FLI1: variants seen among roughly 807,000 people sequenced by gnomAD.
FLI1 encodes the protein Friend leukemia integration 1 transcription factor.
A neutral mutation model predicts 53.1 loss-of-function variants in FLI1; 13 were observed. That is an observed-to-expected ratio of 0.24 (90% CI 0.16 to 0.39). The LOEUF (loss-of-function observed/expected upper bound fraction) is 0.39, where lower values mean the gene tolerates loss of function less well. Among genes scored for constraint, FLI1 ranks in the 10% least tolerant of loss-of-function variants. The probability of loss-of-function intolerance (pLI) is 1.00; values close to 1 mark genes in which losing one functional copy is unlikely to be tolerated. For missense variants in FLI1, 424 were observed against 600.5 expected (o/e 0.71, Z 3.07); for synonymous variants, 244 against 236.7 (o/e 1.03, Z -0.28).
At position 128,810,819 on chromosome 11, in the gene FLI1, A is replaced by G. The variant is rs753438511; in HGVS notation, c.1190A>G (p.Lys397Arg). 1 of 1,614,038 alleles carries G rather than the reference A, an allele frequency of 6.2e-7. No individual in the cohort carries two copies. The highest frequency in any genetic ancestry group is 8.5e-7 in the Non-Finnish European group (1 of 1,179,896). ...CCTTCCTACCATGCCCACCAGCAGA[A>G]GGTGAACTTTGTCCCTCCCCATCCA... Reference protein sequence around the residue: ...YMPSYHAHQQKVNFVPPHPSS... With the variant: ...YMPSYHAHQQRVNFVPPHPSS... Residue 397 changes from lysine (K) to arginine (R), a missense_variant, in exon 9 of 9, where the codon AAG (lysine) becomes AGG (arginine). Transcript: ENST00000527786. The surrounding 1 kb of genome is among the most constrained non-coding windows in gnomAD (Gnocchi z 6.6).
intron 1 of FLI1, among the ~76,000 whole-genome samples, chr11:128,744,430 G>T (rs1297751582): frequency 6.6e-6 from 1 of 152,220 alleles, no homozygotes; most frequent in African/African-American, 2.4e-5. Flanking sequence ...ATTATAATAA[G>T]ATGATTACAT....
At chr11:128,784,225 TCCTCC>T (rs1270375496) in intron 5 of FLI1, among the ~76,000 whole-genome samples, 1 of 32,904 alleles carries the variant, frequency 3.0e-5, no homozygotes, top group East Asian at 1.3e-3. Flanking sequence ...AACCATCTCC[TCCTCC>T]TCCTCCTCCT....
At chr11:128,739,895 AG>A (rs780592591) in intron 1 of FLI1, among the ~76,000 whole-genome samples, 4 of 152,158 alleles carry the variant, frequency 2.6e-5, no homozygotes, top group Non-Finnish European at 5.9e-5. Flanking sequence ...AAGATCGTTA[AG>A]GCATTTTGAC....
intron 1 of FLI1, among the ~76,000 whole-genome samples, chr11:128,687,812 G>T (rs1937604989): frequency 6.6e-6 from 1 of 152,202 alleles, no homozygotes; most frequent in East Asian, 1.9e-4. Flanking sequence ...TTTCAGGAAG[G>T]GAAGGCCTAA....
At chr11:128,758,970 C>G (rs908246398) in intron 2 of FLI1, among the ~76,000 whole-genome samples, 2 of 152,230 alleles carry the variant, frequency 1.3e-5, no homozygotes, top group African/African-American at 4.8e-5. Context: ...CCTGCCTCTG[C>G]CCCTTGGGCA....
intron 3 of FLI1, among the ~76,000 whole-genome samples, 173 bp from the exon 4 acceptor site, chr11:128,772,609 G>A (rs1176854426): frequency 9.2e-5 from 14 of 152,192 alleles, no homozygotes; most frequent in Non-Finnish European, 1.3e-4. Flanking sequence ...TTCAGGCAGC[G>A]CCAGATGCCA....
intron 1 of FLI1, among the ~76,000 whole-genome samples, chr11:128,744,407 CT>C (rs1406087017): frequency 6.6e-6 from 1 of 152,148 alleles, no homozygotes. Context: ...CTTTTCTGTA[CT>C]ATAATTTGTG....
At chr11:128,765,955 T>C (rs1941324631) in intron 2 of FLI1, among the ~76,000 whole-genome samples, 1 of 152,210 alleles carries the variant, frequency 6.6e-6, no homozygotes, top group Non-Finnish European at 1.5e-5. Context: ...ATGTGTACAG[T>C]GCATGTCTGT....
chr11:128,766,209 C>A (rs1434135231), intron 2 of FLI1, among the ~76,000 whole-genome samples: 1 of 152,192 alleles, frequency 6.6e-6, no homozygotes, highest in Non-Finnish European at 1.5e-5. Context: ...CTGACTGGGA[C>A]TGCTTCATCT....
intron 1 of FLI1, among the ~76,000 whole-genome samples, chr11:128,725,351 A>C (rs1439824823): frequency 6.6e-6 from 1 of 152,158 alleles, no homozygotes; most frequent in Non-Finnish European, 1.5e-5. Flanking sequence ...ATCCACATGC[A>C]CACACATTCA....
intron 1 of FLI1, among the ~76,000 whole-genome samples, chr11:128,711,973 AG>A (rs1938799007): frequency 6.6e-6 from 1 of 152,224 alleles, no homozygotes; most frequent in Non-Finnish European, 1.5e-5. Context: ...AGTCCTTGAA[AG>A]CCAATTTCTC....
intron 1 of FLI1, among the ~76,000 whole-genome samples, chr11:128,744,888 C>G (rs1940310462): frequency 6.6e-6 from 1 of 152,150 alleles, no homozygotes; most frequent in African/African-American, 2.4e-5. Context: ...CATGACAAGG[C>G]AGTCTAAGAT....
At chr11:128,703,301 T>G (rs1938416122) in intron 1 of FLI1, among the ~76,000 whole-genome samples, 2 of 152,180 alleles carry the variant, frequency 1.3e-5, no homozygotes, top group Admixed American at 6.5e-5. Context: ...TTTACACAAA[T>G]TTGATAATGC....
upstream of FLI1, among the ~76,000 whole-genome samples, chr11:128,689,071 C>A (rs951859622): frequency 6.6e-6 from 1 of 152,128 alleles, no homozygotes; most frequent in Non-Finnish European, 1.5e-5. Flanking sequence ...GAGATAAGTC[C>A]TATTATAACC....
intron 1 of FLI1, among the ~76,000 whole-genome samples, chr11:128,724,434 G>T (rs1939387328): frequency 6.6e-6 from 1 of 152,176 alleles, no homozygotes; most frequent in East Asian, 1.9e-4. Flanking sequence ...CAGGCTATAG[G>T]GAATTTGGGT....
At chr11:128,705,044 C>A (rs991169751) in intron 1 of FLI1, among the ~76,000 whole-genome samples, 2 of 152,208 alleles carry the variant, frequency 1.3e-5, no homozygotes, top group African/African-American at 4.8e-5. Context: ...ATTATTGGAA[C>A]CTAATCCTGC....
chr11:128,764,740 C>A, intron 2 of FLI1: 1 of 1,578,326 alleles, frequency 6.3e-7, no homozygotes, highest in Non-Finnish European at 8.5e-7. Context: ...CATGGCCGCA[C>A]GCAGGGCTTG....
intron 5 of FLI1, among the ~76,000 whole-genome samples, chr11:128,801,396 A>C (rs530512444): frequency 5.5e-4 from 83 of 152,204 alleles, no homozygotes; most frequent in Non-Finnish European, 1.1e-3. Flanking sequence ...CACACTGCTA[A>C]ATTCTTCTTG....
In FLI1 at chr11:128,694,255, C is replaced by A. The variant is rs759182658; in HGVS notation, c.-4C>A. 4 of 1,474,384 alleles carry A rather than the reference C, an allele frequency of 2.7e-6. No individual in the cohort carries two copies. The highest frequency in any genetic ancestry group is 4.9e-5 in the Admixed American group (2 of 40,552). 91.3% of individuals were successfully genotyped at this position (1,474,384 alleles called of 1,614,324 possible). ...TTGGGGGGCTCGGCTGCAGACTTGG[C>A]CAAATGGACGGGACTATTAAGGTAA... On this transcript the variant is annotated 5_prime_UTR_variant, in exon 1 of 9. Transcript: ENST00000527786.
Sources: allele counts gnomAD v4.1 joint callset (sites outside exome capture counted in the v4.1 genomes callset), GRCh38; gene constraint gnomAD v4.1.1; non-coding constraint Gnocchi (gnomAD v3.1); transcripts MANE v1.5; gene names NCBI Gene and HGNC (gene_info 2026-07-23, HGNC 2026-07-21).